Variants in CARD9 observed in about 807,000 individuals in gnomAD.
CARD9 encodes the protein caspase recruitment domain family member 9.
A neutral mutation model predicts 66.0 loss-of-function variants in CARD9; 53 were observed. The ratio of observed to expected loss-of-function variants is 0.80; its 90% CI spans 0.64 to 1.01. The LOEUF is 1.01. Among genes scored for constraint, CARD9 ranks in the 50% least tolerant of loss-of-function variants. The probability of loss-of-function intolerance (pLI) is 0.00; values close to 1 mark genes in which losing one functional copy is unlikely to be tolerated. For missense variants in CARD9, 769 were observed against 743.2 expected (o/e 1.03, Z -0.40); for synonymous variants, 387 against 313.8 (o/e 1.23, Z -2.47).
chr9:136,365,562 A>C, intron 10 of CARD9: 2 of 344,008 alleles, frequency 5.8e-6, no homozygotes, highest in Admixed American at 4.5e-5. Flanking sequence ...CATCACTCCA[A>C]AGCATCTGTG....
rs145508138 is a variant in CARD9, at chr9:136,366,645, A to G, written c.1357+155T>C. 1.1e-5 allele frequency: 9 copies of G among 811,232 alleles called. No homozygotes were observed. The East Asian group carries it at 2.2e-4, about 20-fold the overall frequency. 50.3% of individuals were successfully genotyped at this position (811,232 alleles called of 1,614,324 possible). On this transcript the variant is annotated intron_variant, in intron 10 of 12. Transcript: ENST00000371732. ...GTAGTTTGTTCTCTAGGTGACCTTG[A>G]CCATTTTACTTATCCCCAGCCCCAG...
Position 136,371,519 on chromosome 9 carries a change from T to TGGGGG in CARD9, c.185-59_185-58insCCCCC. 9 of 365,152 alleles carry TGGGGG rather than the reference T, an allele frequency of 2.5e-5. No individual in the cohort carries two copies. The Admixed American group carries it at 2.6e-4, about 11-fold the overall frequency. 22.6% of individuals were successfully genotyped at this position (365,152 alleles called of 1,614,324 possible). A position where few individuals can be genotyped will look rare whatever the true frequency, so the allele number is the denominator to read the frequency against. ...GCACAGGCGAGGCAGAGGGCTGGGG[T>TGGGGG]GGGTGGGCCTGGGGGCAGGGACAGG... On this transcript the variant is annotated intron_variant, in intron 2 of 12. Transcript: ENST00000371732.
At chr9:136,366,608 C>T (rs1006201226) in intron 10 of CARD9, 192 bp downstream of exon 10, 15 of 650,224 alleles carry the variant, frequency 2.3e-5, no homozygotes, top group South Asian at 1.8e-4. Flanking sequence ...CCCTGGGTTC[C>T]AGCTGGGCTC....
At chr9:136,364,680 C>T in intron 11 of CARD9, 121 bp from the exon 12 acceptor site, 1 of 980,348 alleles carries the variant, frequency 1.0e-6, no homozygotes, top group Non-Finnish European at 1.5e-6. Flanking sequence ...CCCAGACAGC[C>T]TCAGCTCAGC....
chr9:136,368,029 G>A (rs1833169457), intron 7 of CARD9: 3 of 1,415,600 alleles, frequency 2.1e-6, no homozygotes, highest in Admixed American at 3.0e-5. Flanking sequence ...AGTTGTCCCT[G>A]CTGCCCTTCT....
chr9:136,371,200 T>A, intron 3 of CARD9, 55 bp from the exon 4 acceptor site: 1 of 1,601,972 alleles, frequency 6.2e-7, no homozygotes, highest in East Asian at 2.3e-5. Flanking sequence ...CCCAGCTCCA[T>A]CACGCCCTGC....
chr9:136,369,009 G>A (rs1016558565), intron 7 of CARD9, among the ~76,000 whole-genome samples: 2 of 152,268 alleles, frequency 1.3e-5, no homozygotes, highest in African/African-American at 2.4e-5. Flanking sequence ...TAGTAGAGAC[G>A]GGGTTTCCCC....
chr9:136,372,209 T>C, intron 1 of CARD9, 115 bp from the exon 2 acceptor site: 2 of 1,424,212 alleles, frequency 1.4e-6, no homozygotes, highest in Non-Finnish European at 1.9e-6. Flanking sequence ...TCGAGGGGGA[T>C]CAGCCCAGGG....
intron 3 of CARD9, 39 bp from the exon 4 acceptor site, chr9:136,371,184 C>A: frequency 6.2e-7 from 1 of 1,607,046 alleles, no homozygotes; most frequent in Non-Finnish European, 8.5e-7. Context: ...CCGTGTTCCC[C>A]GGTGGCCCAG....
intron 4 of CARD9, 34 bp downstream of exon 4, chr9:136,370,807 G>A: frequency 6.3e-7 from 1 of 1,596,726 alleles, no homozygotes; most frequent in Non-Finnish European, 8.6e-7. Flanking sequence ...GGCCAGGCGA[G>A]GGTGGCCTGG....
At chr9:136,364,669 GC>G in intron 11 of CARD9, 110 bp from the exon 12 acceptor site, 1 of 1,080,644 alleles carries the variant, frequency 9.3e-7, no homozygotes, top group Non-Finnish European at 1.3e-6. Context: ...GAGGCGAGGA[GC>G]CCAGACAGCC....
intron 7 of CARD9, 25 bp from the exon 8 acceptor site, chr9:136,367,853 C>T (rs1328998814): frequency 6.3e-7 from 1 of 1,583,112 alleles, no homozygotes; most frequent in South Asian, 1.1e-5. Context: ...CAAGGCCGAC[C>T]CTCAGTGAGG....
intron 2 of CARD9, 122 bp from the exon 3 acceptor site, chr9:136,371,583 G>T: frequency 1.4e-6 from 2 of 1,429,610 alleles, no homozygotes; most frequent in Non-Finnish European, 1.9e-6. Context: ...CGTGGTCTGG[G>T]TCTTGGATGA....
At chr9:136,369,655 G>C (rs1276841968) in intron 7 of CARD9, 95 bp downstream of exon 7, 1 of 1,528,798 alleles carries the variant, frequency 6.5e-7, no homozygotes, top group Non-Finnish European at 8.8e-7. Context: ...AAATAACAAA[G>C]ATTAAAAATC....
intron 4 of CARD9, 63 bp downstream of exon 4, chr9:136,370,778 C>A (rs567447776): frequency 6.2e-7 from 1 of 1,604,744 alleles, no homozygotes; most frequent in Admixed American, 1.7e-5. Context: ...CCGACCGCCC[C>A]GGCCTGCAGA....
At position 136,367,273 on chromosome 9, in the gene CARD9, A is replaced by G. The variant is rs1833146228; in HGVS notation, c.1270-16T>C. ...GGTCGGAGCTCTGTGGTCATAGAAAATGGGGTGGGTGGGCTGTGAGGGCAG... is the reference window on the plus strand; with the variant it reads ...GGTCGGAGCTCTGTGGTCATAGAAAGTGGGGTGGGTGGGCTGTGAGGGCAG... On this transcript the variant is annotated splice_polypyrimidine_tract_variant and intron_variant, in intron 8 of 12. Coordinates refer to ENST00000371732, the MANE Select transcript of CARD9 (RefSeq NM_052813.5). The G allele has an allele frequency of 2.0e-6, 3 of 1,520,384 alleles. No homozygotes were observed. Among genetic ancestry groups the G allele is most frequent in the Admixed American group, 3.4e-5 (2 of 59,506 alleles). 94.2% of individuals were successfully genotyped at this position (1,520,384 alleles called of 1,614,324 possible).
In CARD9 at chr9:136,370,572, C is replaced by G. The variant is rs748703154; in HGVS notation, c.757G>C (p.Glu253Gln). Residue 253 changes from glutamate (E) to glutamine (Q), a missense_variant, in exon 5 of 13, where the codon GAG becomes CAG. By Grantham distance (29) the Glu-to-Gln change is conservative (BLOSUM62 2). Transcript: ENST00000371732. ...SQELLWELQQEKALLQARVQE... is the reference protein window; with the variant it reads ...SQELLWELQQQKALLQARVQE... The stretch of plus-strand genomic sequence containing the variant: ...ACCCGGGCCTGGAGCAGGGCCTTCT[C>G]CTGCTGCAGCTCCCACAGCAGCTCC... The G allele has an allele frequency of 1.6e-5, 26 of 1,611,004 alleles. No individual in the cohort carries two copies. Among genetic ancestry groups the G allele is most frequent in the Middle Eastern group, 3.3e-4 (2 of 6,066 alleles).
chr9:136,368,126 T>C, intron 7 of CARD9: 1 of 963,144 alleles, frequency 1.0e-6, no homozygotes, highest in Non-Finnish European at 1.4e-6. Flanking sequence ...TGGACGCGGC[T>C]TGATATGGAG....
intron 4 of CARD9, 48 bp downstream of exon 4, chr9:136,370,793 G>A (rs763564545): frequency 5.0e-5 from 80 of 1,600,080 alleles, no homozygotes; most frequent in East Asian, 4.3e-4. Context: ...TGCAGACCCC[G>A]CCAGGCCAGG....
Sources: allele counts gnomAD v4.1 joint callset (sites outside exome capture counted in the v4.1 genomes callset), GRCh38; gene constraint gnomAD v4.1.1; transcripts MANE v1.5; gene names NCBI Gene and HGNC (gene_info 2026-07-23, HGNC 2026-07-21).